The following KLF12 variants were observed in gnomAD, a reference collection of about 807,000 sequenced individuals.
The protein encoded by KLF12 is Krueppel-like factor 12.
KLF12 carries 9 observed loss-of-function variants against 37.8 expected under a neutral mutation model. That is an observed-to-expected ratio of 0.24 (90% CI 0.14 to 0.42). The LOEUF is 0.42. KLF12 is among the 10% of genes least tolerant of loss of function. KLF12 has a pLI of 1.00. For missense variants in KLF12, 411 were observed against 516.0 expected (o/e 0.80, Z 1.97); for synonymous variants, 208 against 202.1 (o/e 1.03, Z -0.25).
chr13:73,905,547 A>T (rs1199636462), intron 3 of KLF12, among the ~76,000 whole-genome samples: 1 of 151,964 alleles, frequency 6.6e-6, no homozygotes, highest in Non-Finnish European at 1.5e-5. Flanking sequence ...AAAAAAAATC[A>T]ATTCCAGAAT....
chr13:73,780,502 G>A (rs893892440), intron 5 of KLF12, among the ~76,000 whole-genome samples: 2 of 150,470 alleles, frequency 1.3e-5, no homozygotes, highest in Non-Finnish European at 3.0e-5. Flanking sequence ...TCTTTGAGAC[G>A]GAGTTTCGCT....
rs556704610 is a variant in KLF12 at position 73,832,342 on chromosome 13, A to C, written c.670+13485T>G. ...ACCTACTCTCCCCTTCTTATAATGTAAGACTTCCTCCAGAGTCTAGTTCAT... is the reference window on the plus strand; with the variant it reads ...ACCTACTCTCCCCTTCTTATAATGTCAGACTTCCTCCAGAGTCTAGTTCAT... On this transcript the variant is annotated intron_variant, in intron 4 of 7. Coordinates refer to ENST00000377669, the MANE Select transcript of KLF12 (RefSeq NM_007249.5). 8.5e-4 allele frequency among the ~76,000 whole-genome samples: 130 copies of C among 152,220 alleles called. 2 individuals carry two copies. Among genetic ancestry groups the C allele is most frequent in the Admixed American group, 8.3e-3 (127 of 15,284 alleles).
At chr13:73,921,595 T>C (rs1404670654) in intron 3 of KLF12, among the ~76,000 whole-genome samples, 1 of 152,148 alleles carries the variant, frequency 6.6e-6, no homozygotes, top group Non-Finnish European at 1.5e-5. Flanking sequence ...TCAAATGTAA[T>C]GGTAAAATAT....
intron 3 of KLF12, among the ~76,000 whole-genome samples, chr13:73,893,442 CG>C (rs1433943170): frequency 2.1e-5 from 3 of 139,812 alleles, no homozygotes; most frequent in Non-Finnish European, 3.0e-5. Context: ...AGTGCAGTGG[CG>C]CGATCTCCAC....
At chr13:73,780,741 C>T (rs1167452327) in intron 5 of KLF12, among the ~76,000 whole-genome samples, 3 of 152,200 alleles carry the variant, frequency 2.0e-5, no homozygotes, top group Admixed American at 6.5e-5. Flanking sequence ...GGATTACAGG[C>T]GTGAGCCACC....
At position 73,719,001 on chromosome 13, in the gene KLF12, T is replaced by G. The variant is rs1025857138; in HGVS notation, c.870-3476A>C. On this transcript the variant is annotated intron_variant, in intron 6 of 7. Transcript: ENST00000377669. ...AAAGGATATACGCAATGAATAGTTG[T>G]ACCCAGTAAAGCTGGCTTTCAAATG... is the stretch of plus-strand genomic sequence containing the variant. 3.3e-5 allele frequency among the ~76,000 whole-genome samples: 5 copies of G among 152,380 alleles called. No homozygotes were observed. The East Asian group carries it at 9.6e-4, about 29-fold the overall frequency.
intron 6 of KLF12, among the ~76,000 whole-genome samples, chr13:73,741,155 T>A (rs113929876): frequency 0.019 from 2,820 of 152,266 alleles, 71 homozygotes; most frequent in African/African-American, 0.061. Context: ...CCTGACAATG[T>A]TCCCATGGAA....
At position 73,993,940 on chromosome 13, in the gene KLF12, C is replaced by T. The variant is rs373780873; in HGVS notation, c.33+1050G>A. On this transcript the variant is annotated intron_variant, in intron 2 of 7. Transcript: ENST00000377669. ...AAATAAGTCCACAGTACAGTTAATCCTCACTAAGTGAATGCACCCACACAG... is the reference window on the plus strand; with the variant it reads ...AAATAAGTCCACAGTACAGTTAATCTTCACTAAGTGAATGCACCCACACAG... 1.6e-4 allele frequency among the ~76,000 whole-genome samples: 25 copies of T among 152,282 alleles called. No homozygotes were observed. In the East Asian group the frequency reaches 4.4e-3, roughly 27 times the overall value.
the KLF12 span, among the ~76,000 whole-genome samples, chr13:74,219,846 G>A: frequency 6.6e-6 from 1 of 152,114 alleles, no homozygotes; most frequent in African/African-American, 2.4e-5. Flanking sequence ...TAGCTGCTTC[G>A]AAAACTTCTT....
the KLF12 span, among the ~76,000 whole-genome samples, chr13:74,238,739 T>C: frequency 6.6e-6 from 1 of 151,758 alleles, no homozygotes; most frequent in Non-Finnish European, 1.5e-5. Context: ...GAGGTGTTTG[T>C]AGTATTCTCT....
At chr13:74,200,768 G>A in the KLF12 span, among the ~76,000 whole-genome samples, 28 of 151,962 alleles carry the variant, frequency 1.8e-4, no homozygotes, top group South Asian at 6.2e-4. Context: ...CCTCTGCTCC[G>A]GAAAAACTAA....
chr13:74,056,408 T>G (rs1873246963), intron 1 of KLF12, among the ~76,000 whole-genome samples: 1 of 152,234 alleles, frequency 6.6e-6, no homozygotes, highest in African/African-American at 2.4e-5. Flanking sequence ...TCACTTGTCA[T>G]TCTACTTACA....
At chr13:74,061,077 A>G (rs1189581588) in intron 1 of KLF12, among the ~76,000 whole-genome samples, 1 of 152,198 alleles carries the variant, frequency 6.6e-6, no homozygotes, top group Non-Finnish European at 1.5e-5. Context: ...GCCTTGAGGC[A>G]TTGTACAATA....
At chr13:74,221,895 G>A in the KLF12 span, among the ~76,000 whole-genome samples, 2 of 152,292 alleles carry the variant, frequency 1.3e-5, no homozygotes, top group Non-Finnish European at 2.9e-5. Context: ...ATACAGGCAA[G>A]AAGACAGCAC....
the KLF12 span, among the ~76,000 whole-genome samples, chr13:74,302,597 C>T: frequency 3.0e-4 from 46 of 152,232 alleles, no homozygotes; most frequent in East Asian, 8.1e-3. Flanking sequence ...TGGCATTTTC[C>T]GTTGGAGAAA....
chr13:74,234,176 A>G, the KLF12 span, among the ~76,000 whole-genome samples: 1 of 152,206 alleles, frequency 6.6e-6, no homozygotes, highest in Non-Finnish European at 1.5e-5. Flanking sequence ...GTCTATTAAA[A>G]ATAAGTGCCA....
intron 1 of KLF12, among the ~76,000 whole-genome samples, chr13:74,013,813 C>G (rs932338470): frequency 5.3e-5 from 8 of 151,750 alleles, no homozygotes; most frequent in African/African-American, 1.9e-4. Flanking sequence ...CAAAAAGACT[C>G]AAATTCACTG....
chr13:74,119,264 G>A (rs9600233), intron 1 of KLF12, among the ~76,000 whole-genome samples: 19,541 of 151,706 alleles, frequency 0.13, 1,432 homozygotes, highest in South Asian at 0.18. Context: ...CTTGGGAGGC[G>A]GAGGCTGCAG....
chr13:73,756,526 C>T (rs1312202982), intron 6 of KLF12, among the ~76,000 whole-genome samples: 1 of 152,138 alleles, frequency 6.6e-6, no homozygotes, highest in Non-Finnish European at 1.5e-5. Flanking sequence ...TGATAGAGTG[C>T]TTTCACTTTC....
Sources: gnomAD v4.1 joint callset for allele counts (sites outside exome capture counted in the v4.1 genomes callset) on GRCh38, gnomAD v4.1.1 for gene constraint, MANE v1.5 for transcripts, NCBI Gene and HGNC (gene_info 2026-07-23, HGNC 2026-07-21) for gene names.